The following PRUNE2 variants were observed in gnomAD, a reference collection of about 807,000 sequenced individuals.
PRUNE2 encodes the protein prune homolog 2 with BCH domain, also known as protein prune homolog 2.
A neutral mutation model predicts 252.0 loss-of-function variants in PRUNE2; 164 were observed. That is an observed-to-expected ratio of 0.65 (90% CI 0.57 to 0.74). PRUNE2 has a LOEUF of 0.74. Ranked by LOEUF, PRUNE2 falls within the 30% of genes least tolerant of loss-of-function variation. The pLI, the probability that PRUNE2 is intolerant of heterozygous loss-of-function variation, is 0.00. For missense variants in PRUNE2, 3,495 were observed against 3,711.0 expected (o/e 0.94, Z 1.51); for synonymous variants, 1,292 against 1,350.2 (o/e 0.96, Z 0.94).
chr9:76,872,600 AACACACACACACACACACACACAC>A (rs71354690), intron 1 of PRUNE2, among the ~76,000 whole-genome samples: 3 of 139,364 alleles, frequency 2.2e-5, no homozygotes, highest in African/African-American at 8.0e-5. Flanking sequence ...GATTATGGAA[AACACACACACACACACACACACAC>A]ACACACACAC....
chr9:76,705,771 A>G lies in PRUNE2; in HGVS notation c.6503T>C (p.Leu2168Pro), dbSNP rs772107246. The G allele has an allele frequency of 5.6e-6, 9 of 1,614,002 alleles. No homozygotes were observed. The highest frequency in any genetic ancestry group is 7.6e-6 in the Non-Finnish European group (9 of 1,179,904). The change falls in exon 8 of 19, where the codon CTG (leucine) becomes CCG (proline). Residue 2168 changes from leucine to proline, a missense_variant. By Grantham distance (98) the Leu-to-Pro change is moderately conservative (BLOSUM62 -3). Transcript: ENST00000376718. ...GTCTGCTTGATAGCCAATTGGAGGC[A>G]GCACAGTTGCGTTTTCAGAATCGAG... is the stretch of plus-strand genomic sequence containing the variant. ...AELDSENATVLPPIGYQADIK... is the reference protein window; with the variant it reads ...AELDSENATVPPPIGYQADIK...
chr9:76,732,390 G>A (rs1032385265), intron 6 of PRUNE2, among the ~76,000 whole-genome samples: 1 of 152,192 alleles, frequency 6.6e-6, no homozygotes, highest in African/African-American at 2.4e-5. Context: ...TCTTCTCTTT[G>A]TCTATCATGG....
rs2046129137 is a variant in PRUNE2, at chr9:76,704,212, AT to A, written c.7514-114del. 2.7e-5 allele frequency: 11 copies of A among 404,102 alleles called. No individual in the cohort carries two copies. The South Asian group carries it at 1.7e-3, about 61-fold the overall frequency. The allele number at this position is 404,102 out of a possible 1,614,324, so 25.0% of individuals were successfully genotyped here. ...AAAGAGGTAATTTAATATTTTTTATATATTTTATTTATTTATTCATTCATTC... is the reference window on the plus strand; with the variant it reads ...AAAGAGGTAATTTAATATTTTTTATAATTTTATTTATTTATTCATTCATTC... On this transcript the variant is annotated intron_variant, in intron 8 of 18. Transcript: ENST00000376718.
chr9:76,871,671 T>C (rs2061208053), intron 1 of PRUNE2, among the ~76,000 whole-genome samples: 1 of 152,202 alleles, frequency 6.6e-6, no homozygotes, highest in Non-Finnish European at 1.5e-5. Context: ...CTCTGTTACC[T>C]AGGCTGGAGT....
intron 4 of PRUNE2, among the ~76,000 whole-genome samples, chr9:76,842,376 A>G (rs2059438569): frequency 6.6e-6 from 1 of 152,238 alleles, no homozygotes; most frequent in Non-Finnish European, 1.5e-5. Flanking sequence ...ACCTAAAACC[A>G]TAATAACCCT....
At chr9:76,838,060 T>C (rs1036211858) in intron 4 of PRUNE2, among the ~76,000 whole-genome samples, 22 of 152,218 alleles carry the variant, frequency 1.4e-4, no homozygotes, top group Non-Finnish European at 2.6e-4. Flanking sequence ...TGTGAGCCAC[T>C]GTGCCCAGCC....
chr9:76,820,188 C>T (rs1459454296), intron 6 of PRUNE2, among the ~76,000 whole-genome samples: 4 of 152,166 alleles, frequency 2.6e-5, no homozygotes, highest in African/African-American at 9.7e-5. Flanking sequence ...TCTGATAAGG[C>T]CATTTCTACA....
intron 6 of PRUNE2, among the ~76,000 whole-genome samples, chr9:76,726,605 A>G (rs2048123799): frequency 6.6e-6 from 1 of 152,252 alleles, no homozygotes; most frequent in Non-Finnish European, 1.5e-5. Flanking sequence ...GAGGAGTGAT[A>G]AATCTATAAA....
At chr9:76,765,595 A>T (rs1290363968) in intron 6 of PRUNE2, among the ~76,000 whole-genome samples, 1 of 152,148 alleles carries the variant, frequency 6.6e-6, no homozygotes, top group Non-Finnish European at 1.5e-5. Context: ...GAATGAGTAA[A>T]CTATCTATCC....
At chr9:76,806,609 G>A (rs1323515221) in intron 6 of PRUNE2, among the ~76,000 whole-genome samples, 7 of 149,666 alleles carry the variant, frequency 4.7e-5, no homozygotes, top group African/African-American at 7.4e-5. Context: ...CCGGGTTCAC[G>A]CCATTCTCCT....
intron 1 of PRUNE2, among the ~76,000 whole-genome samples, chr9:76,877,501 C>A (rs964062095): frequency 4.6e-5 from 7 of 150,564 alleles, no homozygotes; most frequent in Non-Finnish European, 7.4e-5. Context: ...TCAATTAAAA[C>A]ACACACACAC....
At position 76,710,203 on chromosome 9, in the gene PRUNE2, G is replaced by A. The variant is rs924885879; in HGVS notation, c.2071C>T (p.Pro691Ser). Residue 691 changes from proline to serine, a missense_variant, in exon 8 of 19, where the codon CCA (proline) becomes TCA (serine). Pro to Ser is a moderately conservative substitution (Grantham distance 74). Coordinates refer to ENST00000376718, the MANE Select transcript of PRUNE2 (RefSeq NM_015225.3). ...QSPESWKEHKPSSIDRRASDS... is the reference protein window; with the variant it reads ...QSPESWKEHKSSSIDRRASDS... ...GAGGCTCTCCTATCAATGGAGCTTGGCTTATGCTCTTTCCATGATTCAGGG... is the reference window on the plus strand; with the variant it reads ...GAGGCTCTCCTATCAATGGAGCTTGACTTATGCTCTTTCCATGATTCAGGG... The A allele has an allele frequency of 1.9e-6, 3 of 1,613,874 alleles. No homozygotes were observed. Among genetic ancestry groups the A allele is most frequent in the Non-Finnish European group, 2.5e-6 (3 of 1,179,856 alleles).
chr9:76,880,225 T>C (rs2061700776), intron 1 of PRUNE2, among the ~76,000 whole-genome samples: 1 of 152,142 alleles, frequency 6.6e-6, no homozygotes, highest in African/African-American at 2.4e-5. Flanking sequence ...AGGCCTGTCA[T>C]TTTTTAAAGC....
At chr9:76,734,992 G>A (rs1724491653) in intron 6 of PRUNE2, among the ~76,000 whole-genome samples, 1 of 152,132 alleles carries the variant, frequency 6.6e-6, no homozygotes, top group Admixed American at 6.5e-5. Context: ...AGAGGCAAGG[G>A]GTGGAGAAAA....
At chr9:76,883,772 C>T (rs1207290118) in intron 1 of PRUNE2, among the ~76,000 whole-genome samples, 1 of 152,134 alleles carries the variant, frequency 6.6e-6, no homozygotes, top group Non-Finnish European at 1.5e-5. Flanking sequence ...AAAAGTGGCC[C>T]CACCCTTTAT....
chr9:76,825,431 T>C (rs2058289110), intron 5 of PRUNE2, among the ~76,000 whole-genome samples: 1 of 152,196 alleles, frequency 6.6e-6, no homozygotes. Context: ...TGGAGCCAAC[T>C]TGCTTGCTGA....
chr9:76,723,058 G>A (rs1419398974), intron 6 of PRUNE2, among the ~76,000 whole-genome samples: 2 of 152,128 alleles, frequency 1.3e-5, no homozygotes, highest in East Asian at 3.8e-4. Context: ...TTTGAAGATC[G>A]AACATTACCA....
chr9:76,890,396 A>G (rs1035304589), intron 1 of PRUNE2, among the ~76,000 whole-genome samples: 3 of 152,258 alleles, frequency 2.0e-5, no homozygotes, highest in Non-Finnish European at 2.9e-5. Context: ...GATACCAGTC[A>G]TGGTGAGATA....
chr9:76,857,108 A>G (rs1429455628), intron 1 of PRUNE2: 1 of 455,648 alleles, frequency 2.2e-6, no homozygotes, highest in East Asian at 7.0e-5. Flanking sequence ...CCTTCATCCT[A>G]TGCATCAAGT....
Sources: gnomAD v4.1 joint callset for allele counts (sites outside exome capture counted in the v4.1 genomes callset) on GRCh38, gnomAD v4.1.1 for gene constraint, MANE v1.5 for transcripts, NCBI Gene and HGNC (gene_info 2026-07-23, HGNC 2026-07-21) for gene names.